NXPH2: variants seen among roughly 807,000 people sequenced by gnomAD.
NXPH2 encodes the protein neurexophilin-2.
A neutral mutation model predicts 19.8 loss-of-function variants in NXPH2; 5 were observed. The observed-to-expected ratio is 0.25, with a 90% CI of 0.13 to 0.53. The LOEUF is 0.53. NXPH2 is among the 20% of genes least tolerant of loss of function. NXPH2 has a pLI of 0.96. For missense variants in NXPH2, 289 were observed against 322.8 expected (o/e 0.90, Z 0.80); for synonymous variants, 154 against 127.4 (o/e 1.21, Z -1.41).
chr2:138,675,581 T>C (rs954699663), intron 1 of NXPH2, among the ~76,000 whole-genome samples: 5 of 152,160 alleles, frequency 3.3e-5, no homozygotes, highest in Non-Finnish European at 5.9e-5. Context: ...AAAACTTTCC[T>C]GATAGCAGTT....
chr2:138,738,457 C>G (rs1199223311), intron 1 of NXPH2, among the ~76,000 whole-genome samples: 1 of 151,992 alleles, frequency 6.6e-6, no homozygotes, highest in Non-Finnish European at 1.5e-5. Flanking sequence ...CTTTATCTAG[C>G]CTTTAGAGAT....
chr2:138,692,869 C>G (rs768651131), intron 1 of NXPH2, among the ~76,000 whole-genome samples: 1 of 152,176 alleles, frequency 6.6e-6, no homozygotes, highest in Admixed American at 6.6e-5. Flanking sequence ...TTCTTATACT[C>G]TGTCTCGAAA....
intron 1 of NXPH2, among the ~76,000 whole-genome samples, chr2:138,689,150 A>G (rs1389356445): frequency 1.3e-5 from 2 of 152,210 alleles, no homozygotes; most frequent in Non-Finnish European, 2.9e-5. Context: ...CGACCATATC[A>G]TGTTTCTAAA....
intron 1 of NXPH2, among the ~76,000 whole-genome samples, chr2:138,764,848 C>G (rs575123571): frequency 6.6e-6 from 1 of 152,288 alleles, no homozygotes; most frequent in Non-Finnish European, 1.5e-5. Flanking sequence ...TAATTTGCCC[C>G]TAGAAATATT....
At chr2:138,693,892 G>T (rs1442640167) in intron 1 of NXPH2, among the ~76,000 whole-genome samples, 3 of 152,010 alleles carry the variant, frequency 2.0e-5, no homozygotes, top group Admixed American at 1.3e-4. Flanking sequence ...AAATGAAAAC[G>T]GGGCCTGAAA....
chr2:138,706,850 C>T (rs1681023049), intron 1 of NXPH2, among the ~76,000 whole-genome samples: 1 of 151,612 alleles, frequency 6.6e-6, no homozygotes, highest in Non-Finnish European at 1.5e-5. Context: ...CTATAGTGAG[C>T]TATGATTGCA....
At chr2:138,755,331 T>C (rs1681890846) in intron 1 of NXPH2, among the ~76,000 whole-genome samples, 1 of 152,092 alleles carries the variant, frequency 6.6e-6, no homozygotes, top group African/African-American at 2.4e-5. Flanking sequence ...TATGGTCTGT[T>C]TTGAATTACT....
intron 1 of NXPH2, among the ~76,000 whole-genome samples, chr2:138,771,590 C>T (rs1273891770): frequency 6.6e-6 from 1 of 152,098 alleles, no homozygotes; most frequent in Non-Finnish European, 1.5e-5. Context: ...GGAAGCCTTG[C>T]TAAGGGAGCA....
intron 1 of NXPH2, among the ~76,000 whole-genome samples, chr2:138,694,041 G>A (rs1359840151): frequency 6.6e-6 from 1 of 152,068 alleles, no homozygotes; most frequent in Non-Finnish European, 1.5e-5. Context: ...AGCCAATCAA[G>A]AGCAGCCAAC....
chr2:138,750,996 T>C (rs1681820633), intron 1 of NXPH2, among the ~76,000 whole-genome samples: 2 of 152,098 alleles, frequency 1.3e-5, no homozygotes, highest in African/African-American at 2.4e-5. Flanking sequence ...TATAAAGCTG[T>C]GCTCTCCTGC....
intron 1 of NXPH2, among the ~76,000 whole-genome samples, chr2:138,693,295 A>C (rs1680771758): frequency 6.6e-6 from 1 of 152,200 alleles, no homozygotes; most frequent in Admixed American, 6.5e-5. Flanking sequence ...AAAGCATGAG[A>C]GTCCCTCCAT....
rs1680391089 is a variant in NXPH2 at position 138,669,948 on chromosome 2, G to A, written c.*974C>T. Among the ~76,000 whole-genome samples the A allele has an allele frequency of 1.3e-5, 2 of 152,152 alleles. No homozygotes were observed. The highest frequency in any genetic ancestry group is 1.3e-4 in the Admixed American group (2 of 15,288). On this transcript the variant is annotated 3_prime_UTR_variant, in exon 2 of 2. Transcript: ENST00000272641. ...TAAATGCAAGGGGAACTTAATCTGG[G>A]AGGCTAGAAATAATGAATCCATAAT...
intron 1 of NXPH2, among the ~76,000 whole-genome samples, chr2:138,684,054 A>G (rs1332102462): frequency 6.6e-6 from 1 of 152,214 alleles, no homozygotes; most frequent in Admixed American, 6.5e-5. Context: ...TAATTGTGTT[A>G]AAAGTATTTT....
chr2:138,672,247 GA>G (rs1680427270), intron 1 of NXPH2, among the ~76,000 whole-genome samples: 1 of 151,990 alleles, frequency 6.6e-6, no homozygotes, highest in Admixed American at 6.6e-5. Flanking sequence ...AGTTTTAGTT[GA>G]AAAAATAGAA....
At chr2:138,765,383 T>G (rs1682074724) in intron 1 of NXPH2, among the ~76,000 whole-genome samples, 1 of 152,232 alleles carries the variant, frequency 6.6e-6, no homozygotes, top group African/African-American at 2.4e-5. Context: ...TGAAAATATA[T>G]TTCAAATTTT....
At chr2:138,724,707 C>G (rs1681332759) in intron 1 of NXPH2, among the ~76,000 whole-genome samples, 1 of 152,342 alleles carries the variant, frequency 6.6e-6, no homozygotes, top group Non-Finnish European at 1.5e-5. Context: ...AAACTCTACT[C>G]CTCATAATTG....
chr2:138,713,708 T>A (rs1041747047), intron 1 of NXPH2, among the ~76,000 whole-genome samples: 13 of 151,992 alleles, frequency 8.6e-5, no homozygotes, highest in Admixed American at 1.3e-4. Context: ...GATGAGGCCA[T>A]GGGACCAGGC....
At chr2:138,767,851 G>A (rs1246019439) in intron 1 of NXPH2, among the ~76,000 whole-genome samples, 2 of 151,940 alleles carry the variant, frequency 1.3e-5, no homozygotes, top group Non-Finnish European at 2.9e-5. Flanking sequence ...GCTCTTCACT[G>A]GATTTTCTGG....
intron 1 of NXPH2, among the ~76,000 whole-genome samples, chr2:138,730,577 GC>G (rs1681432848): frequency 6.6e-6 from 1 of 152,138 alleles, no homozygotes; most frequent in Admixed American, 6.6e-5. Context: ...CTATGAGGCA[GC>G]CCAGGGCAGA....
Sources: allele counts gnomAD v4.1 joint callset (sites outside exome capture counted in the v4.1 genomes callset), GRCh38; gene constraint gnomAD v4.1.1; transcripts MANE v1.5; gene names NCBI Gene and HGNC (gene_info 2026-07-23, HGNC 2026-07-21).